The following CDH12 variants were observed in gnomAD, a reference collection of about 807,000 sequenced individuals.
CDH12 encodes cadherin-12.
Under a neutral mutation model 74.1 loss-of-function variants are expected in CDH12, and 41 were observed. The observed-to-expected ratio is 0.55, with a 90% CI of 0.43 to 0.72. The LOEUF (loss-of-function observed/expected upper bound fraction) is 0.72, where lower values mean the gene tolerates loss of function less well. CDH12 is among the 30% of genes least tolerant of loss of function. The probability of loss-of-function intolerance (pLI) is 0.00; values close to 1 mark genes in which losing one functional copy is unlikely to be tolerated. For missense variants in CDH12, 945 were observed against 977.2 expected (o/e 0.97, Z 0.44); for synonymous variants, 399 against 355.0 (o/e 1.12, Z -1.39).
intron 1 of CDH12, among the ~76,000 whole-genome samples, chr5:22,541,902 ACT>A (rs1346839075): frequency 6.6e-6 from 1 of 152,130 alleles, no homozygotes; most frequent in African/African-American, 2.4e-5. Flanking sequence ...CAGTGTCAAC[ACT>A]CTATACCTCA....
chr5:22,048,915 C>T (rs1740152751), intron 5 of CDH12, among the ~76,000 whole-genome samples: 1 of 151,892 alleles, frequency 6.6e-6, no homozygotes, highest in Admixed American at 6.6e-5. Flanking sequence ...GTGTATGCAA[C>T]AATGATGATA....
At chr5:22,082,365 C>T (rs1742796853) in intron 4 of CDH12, among the ~76,000 whole-genome samples, 1 of 152,120 alleles carries the variant, frequency 6.6e-6, no homozygotes. Flanking sequence ...ATTAAGTAAC[C>T]TAGGCTTTCT....
chr5:22,353,208 T>C (rs1285119059), intron 3 of CDH12, among the ~76,000 whole-genome samples: 1 of 152,220 alleles, frequency 6.6e-6, no homozygotes, highest in Non-Finnish European at 1.5e-5. Context: ...AACCACATAA[T>C]TGATTTTAAA....
At chr5:22,275,958 T>C (rs1398092669) in intron 3 of CDH12, among the ~76,000 whole-genome samples, 1 of 152,160 alleles carries the variant, frequency 6.6e-6, no homozygotes, top group African/African-American at 2.4e-5. Flanking sequence ...TGATGAAATA[T>C]GGAGAACTAT....
In CDH12 at chr5:22,437,468, T is replaced by C. The variant is rs1744444060; in HGVS notation, c.-427-32117A>G. ...TCTTAGCGGCCACATTACAACAAAG[T>C]GTTATCCATAAAGTGAGAATACATT... On this transcript the variant is annotated intron_variant, in intron 2 of 14. Transcript: ENST00000382254. 1.3e-5 allele frequency among the ~76,000 whole-genome samples: 2 copies of C among 151,444 alleles called. 1 individual carries two copies. The highest frequency in any genetic ancestry group is 4.2e-4 in the South Asian group (2 of 4,812).
chr5:22,419,083 T>C (rs1743522085), intron 2 of CDH12, among the ~76,000 whole-genome samples: 1 of 152,114 alleles, frequency 6.6e-6, no homozygotes, highest in African/African-American at 2.4e-5. Flanking sequence ...GATTTGTGTA[T>C]GTTGAACCGG....
Position 22,316,103 on chromosome 5 carries a change from T to C in CDH12, c.-333+89154A>G, listed in dbSNP as rs187650968. Among the ~76,000 whole-genome samples the C allele has an allele frequency of 1.6e-3, 242 of 152,164 alleles. 4 individuals carry two copies. Among genetic ancestry groups the C allele is most frequent in the African/African-American group, 5.7e-3 (237 of 41,520 alleles). ...TTCTTAAAGAATTGGGTTCCTCAGATGGGCAGGTGAATACCTACCAGTGCA... is the reference window on the plus strand; with the variant it reads ...TTCTTAAAGAATTGGGTTCCTCAGACGGGCAGGTGAATACCTACCAGTGCA... On this transcript the variant is annotated intron_variant, in intron 3 of 14. Coordinates refer to ENST00000382254, the MANE Select transcript of CDH12 (RefSeq NM_004061.5).
chr5:21,954,695 T>C (rs978821792), intron 6 of CDH12, among the ~76,000 whole-genome samples: 3 of 152,114 alleles, frequency 2.0e-5, no homozygotes, highest in African/African-American at 7.2e-5. Context: ...GATCCTGTCA[T>C]CTGTCTGCTT....
At chr5:22,537,528 C>A (rs1342997885) in intron 1 of CDH12, among the ~76,000 whole-genome samples, 1 of 152,112 alleles carries the variant, frequency 6.6e-6, no homozygotes, top group Non-Finnish European at 1.5e-5. Context: ...ACATCTCCAA[C>A]CAGAAACATT....
intron 4 of CDH12, among the ~76,000 whole-genome samples, chr5:22,094,125 G>A (rs1743601654): frequency 6.6e-6 from 1 of 152,122 alleles, no homozygotes. Flanking sequence ...GGGAAATCAA[G>A]AGGCAAACCG....
chr5:22,240,637 G>A (rs1752715067), intron 3 of CDH12, among the ~76,000 whole-genome samples: 1 of 152,124 alleles, frequency 6.6e-6, no homozygotes, highest in Admixed American at 6.5e-5. Context: ...AGCTTCAACT[G>A]ATTCTCCAGC....
chr5:21,751,624 GTGTGTGTT>G lies in CDH12; in HGVS notation c.*105_*112del, dbSNP rs1207540933. Reference sequence around the variant, plus strand: ...CTTGTCCCAGAGTGTGTGTGTGTGTGTGTGTGTTTGTGTGTGTGTGTGTGTGTGAGAGA... The same window carrying G: ...CTTGTCCCAGAGTGTGTGTGTGTGTGTGTGTGTGTGTGTGTGTGTGAGAGA... On this transcript the variant is annotated 3_prime_UTR_variant, in exon 15 of 15. Coordinates refer to ENST00000382254, the MANE Select transcript of CDH12 (RefSeq NM_004061.5). The G allele has an allele frequency of 1.3e-5, 9 of 679,800 alleles. No individual in the cohort carries two copies. The South Asian group carries it at 1.3e-4, about 10-fold the overall frequency. The allele number at this position is 679,800 out of a possible 1,614,324, so 42.1% of individuals were successfully genotyped here.
At chr5:22,350,941 A>G (rs1398547735) in intron 3 of CDH12, among the ~76,000 whole-genome samples, 2 of 152,160 alleles carry the variant, frequency 1.3e-5, no homozygotes, top group African/African-American at 4.8e-5. Context: ...TGTTCTAGAG[A>G]CTAATACATG....
chr5:22,638,070 T>C (rs1479473225), intron 1 of CDH12, among the ~76,000 whole-genome samples: 1 of 152,208 alleles, frequency 6.6e-6, no homozygotes, highest in Non-Finnish European at 1.5e-5. Context: ...AAGTTCTGGA[T>C]TGAGAACAGC....
intron 4 of CDH12, among the ~76,000 whole-genome samples, chr5:22,115,689 C>CT (rs10669028): frequency 0.039 from 4,322 of 110,468 alleles, 331 homozygotes; most frequent in African/African-American, 0.11. Flanking sequence ...GTCCTCGCGA[C>CT]TTTTTTTTTT....
At chr5:21,817,154 G>A (rs2149946153) in intron 8 of CDH12, 22 bp from the exon 9 acceptor site, 1 of 1,546,174 alleles carries the variant, frequency 6.5e-7, no homozygotes, top group Non-Finnish European at 8.8e-7. Flanking sequence ...TATAAAATTT[G>A]AATTGACAGT....
chr5:22,760,812 T>C (rs1354200644), intron 1 of CDH12, among the ~76,000 whole-genome samples: 3 of 151,966 alleles, frequency 2.0e-5, no homozygotes, highest in Non-Finnish European at 4.4e-5. Flanking sequence ...TAGTGTGCAA[T>C]TGAGTAACTG....
At chr5:22,710,463 T>C (rs185195468) in intron 1 of CDH12, among the ~76,000 whole-genome samples, 1 of 152,244 alleles carries the variant, frequency 6.6e-6, no homozygotes, top group Non-Finnish European at 1.5e-5. Context: ...ACAACCGAGG[T>C]ACACAATAAT....
intron 3 of CDH12, among the ~76,000 whole-genome samples, chr5:22,353,354 T>C (rs1740432651): frequency 6.6e-6 from 1 of 152,202 alleles, no homozygotes; most frequent in African/African-American, 2.4e-5. Context: ...AATTAACTAC[T>C]GCTAAGACTC....
Sources: gnomAD v4.1 joint callset for allele counts (sites outside exome capture counted in the v4.1 genomes callset) on GRCh38, gnomAD v4.1.1 for gene constraint, MANE v1.5 for transcripts, NCBI Gene and HGNC (gene_info 2026-07-23, HGNC 2026-07-21) for gene names.